Variants in CLTC observed in about 807,000 individuals in gnomAD.
CLTC encodes clathrin heavy chain, also known as clathrin heavy chain 1.
CLTC carries 16 observed loss-of-function variants against 195.8 expected under a neutral mutation model. The observed-to-expected ratio is 0.08, with a 90% CI of 0.06 to 0.12. CLTC has a LOEUF of 0.12. Ranked by LOEUF, CLTC falls within the 10% of genes least tolerant of loss-of-function variation. CLTC has a pLI of 1.00. For missense variants in CLTC, 796 were observed against 2,027.0 expected (o/e 0.39, Z 11.66); for synonymous variants, 667 against 689.4 (o/e 0.97, Z 0.51).
chr17:59,626,310 T>TA (rs1468338127), intron 1 of CLTC, among the ~76,000 whole-genome samples: 7 of 152,192 alleles, frequency 4.6e-5, no homozygotes, highest in Admixed American at 3.9e-4. Flanking sequence ...CAAATATTGA[T>TA]ATGATACAAA....
In CLTC at chr17:59,693,724, G is replaced by A. The variant is rs755404780; in HGVS notation, c.4904-4G>A. The A allele has an allele frequency of 1.2e-6, 2 of 1,611,002 alleles. No homozygotes were observed. Among genetic ancestry groups the A allele is most frequent in the Admixed American group, 3.4e-5 (2 of 59,564 alleles). On this transcript the variant is annotated splice_region_variant and splice_polypyrimidine_tract_variant and intron_variant, in intron 31 of 31. Transcript: ENST00000269122. ...CTGCTCCTTTTTGTTTTCTTCTACT[G>A]TAGGTCAGCCCCAGTTGATGCTGAC... is the stretch of plus-strand genomic sequence containing the variant.
intron 1 of CLTC, among the ~76,000 whole-genome samples, chr17:59,640,793 C>T (rs1266932261): frequency 6.6e-6 from 1 of 151,816 alleles, no homozygotes; most frequent in Non-Finnish European, 1.5e-5. Flanking sequence ...CTTAAGTGTG[C>T]TTTTTTAATA....
intron 5 of CLTC, among the ~76,000 whole-genome samples, chr17:59,652,973 CT>C (rs1168101512): frequency 1.3e-5 from 2 of 152,160 alleles, no homozygotes; most frequent in African/African-American, 4.8e-5. Flanking sequence ...GGTTTTTCAC[CT>C]TGCACTTTTA....
At chr17:59,652,373 A>C (rs2032348207) in intron 5 of CLTC, among the ~76,000 whole-genome samples, 1 of 152,158 alleles carries the variant, frequency 6.6e-6, no homozygotes, top group African/African-American at 2.4e-5. Flanking sequence ...TTCCAGATTC[A>C]CTTAAATTTA....
intron 1 of CLTC, among the ~76,000 whole-genome samples, chr17:59,634,600 C>G (rs771633995): frequency 1.6e-4 from 25 of 152,054 alleles, no homozygotes; most frequent in Non-Finnish European, 2.9e-4. Context: ...GAATATATTG[C>G]TTAAATTTGG....
At position 59,685,253 on chromosome 17, in the gene CLTC, G is replaced by A. The variant is rs754772301; in HGVS notation, c.4605+27G>A. The A allele has an allele frequency of 2.6e-6, 4 of 1,552,200 alleles. No homozygotes were observed. In the African/African-American group the frequency reaches 5.5e-5, roughly 21 times the overall value. ...TTGATAAAGTTGCGGGGCAGGGGCT[G>A]TTTTAAACCAGGCCTAAAATGGTGT... On this transcript the variant is annotated intron_variant, in intron 29 of 31. Coordinates refer to ENST00000269122, the MANE Select transcript of CLTC (RefSeq NM_004859.4). This position sits in a 1 kb window ranked among gnomAD's most constrained non-coding sequence, Gnocchi z 5.0.
chr17:59,619,974 A>G lies in CLTC; in HGVS notation c.-158A>G. The G allele has an allele frequency of 1.6e-6, 1 of 629,876 alleles. No homozygotes were observed. The highest frequency in any genetic ancestry group is 1.8e-5 in the African/African-American group (1 of 54,708). The allele number at this position is 629,876 out of a possible 1,614,324, so 39.0% of individuals were successfully genotyped here. A position where few individuals can be genotyped will look rare whatever the true frequency, so the allele number is the denominator to read the frequency against. On this transcript the variant is annotated 5_prime_UTR_variant, in exon 1 of 32. Coordinates refer to ENST00000269122, the MANE Select transcript of CLTC (RefSeq NM_004859.4). ...CCCTGGAGCCTCCGCCCCCGACCCGAGCTCTTTCGTCTGCCTGCCAGTTTC... is the reference window on the plus strand; with the variant it reads ...CCCTGGAGCCTCCGCCCCCGACCCGGGCTCTTTCGTCTGCCTGCCAGTTTC...
chr17:59,621,744 A>C (rs1317617993), intron 1 of CLTC, among the ~76,000 whole-genome samples: 2 of 152,228 alleles, frequency 1.3e-5, no homozygotes, highest in Admixed American at 6.5e-5. Context: ...AATGTTAAAT[A>C]ACAAAATGGA....
rs1315124947 is a variant in CLTC at position 59,694,439 on chromosome 17, C to T, written c.*587C>T. Reference sequence around the variant, plus strand: ...TGATTTTTAAATGAGCGTAAAAGGCCCTCTAACCTATGCAGGTTTCCCCAT... The same window carrying T: ...TGATTTTTAAATGAGCGTAAAAGGCTCTCTAACCTATGCAGGTTTCCCCAT... On this transcript the variant is annotated 3_prime_UTR_variant, in exon 32 of 32. Transcript: ENST00000269122. 1 of 224,638 alleles carries T rather than the reference C, an allele frequency of 4.5e-6. No homozygotes were observed. The highest frequency in any genetic ancestry group is 6.5e-5 in the East Asian group (1 of 15,402). The allele number at this position is 224,638 out of a possible 1,614,324, so 13.9% of individuals were successfully genotyped here.
intron 31 of CLTC, among the ~76,000 whole-genome samples, chr17:59,692,180 G>A (rs1381103033): frequency 6.6e-6 from 1 of 152,192 alleles, no homozygotes; most frequent in Non-Finnish European, 1.5e-5. Flanking sequence ...GGCTGGGCAT[G>A]GTGGCATGCA....
chr17:59,668,769 T>C lies in CLTC; in HGVS notation c.2129-8T>C. On this transcript the variant is annotated splice_region_variant and splice_polypyrimidine_tract_variant and intron_variant, in intron 13 of 31. Coordinates refer to ENST00000269122, the MANE Select transcript of CLTC (RefSeq NM_004859.4). ...CTATGCTTAATTGTAATTACTTGTT[T>C]CTTTAAGGTCTCTTTTATTTTCTGG... 6.3e-7 allele frequency: 1 copy of C among 1,583,734 alleles called. No individual in the cohort carries two copies. The highest frequency in any genetic ancestry group is 8.5e-7 in the Non-Finnish European group (1 of 1,170,680).
chr17:59,647,833 C>G (rs572254145), intron 3 of CLTC, among the ~76,000 whole-genome samples, 167 bp downstream of exon 3: 75 of 152,144 alleles, frequency 4.9e-4, no homozygotes, highest in African/African-American at 1.6e-3. Context: ...TCTCCTTCCT[C>G]CCTCCCTTCT....
At chr17:59,691,063 CTT>C (rs1377315552) in intron 31 of CLTC, among the ~76,000 whole-genome samples, 4 of 152,290 alleles carry the variant, frequency 2.6e-5, no homozygotes, top group Middle Eastern at 3.4e-3. Context: ...CCAAGGCTGT[CTT>C]TAGTATGCTT....
intron 14 of CLTC, among the ~76,000 whole-genome samples, chr17:59,672,235 A>G (rs2032863310): frequency 2.0e-5 from 3 of 152,210 alleles, no homozygotes; most frequent in Admixed American, 2.0e-4. Context: ...AATTTTAGCA[A>G]TCAAGAAAAT....
Position 59,693,889 on chromosome 17 carries a change from C to G in CLTC, c.*37C>G. The G allele has an allele frequency of 1.3e-6, 2 of 1,572,834 alleles. No homozygotes were observed. Among genetic ancestry groups the G allele is most frequent in the South Asian group, 2.3e-5 (2 of 86,314 alleles). On this transcript the variant is annotated 3_prime_UTR_variant, in exon 32 of 32. Coordinates refer to ENST00000269122, the MANE Select transcript of CLTC (RefSeq NM_004859.4). ...GATCCTGTAGTCACCTATTTTCGTA[C>G]TGAAACATCGTCTTTACCCACTTCT... is the stretch of plus-strand genomic sequence containing the variant.
chr17:59,688,466 CT>C (rs1188677453), intron 30 of CLTC, among the ~76,000 whole-genome samples: 1 of 152,122 alleles, frequency 6.6e-6, no homozygotes, highest in Non-Finnish European at 1.5e-5. Context: ...GGATCAGAAA[CT>C]TTAGTTACAG....
chr17:59,678,345 T>C (rs560064253), intron 17 of CLTC, among the ~76,000 whole-genome samples: 1 of 152,266 alleles, frequency 6.6e-6, no homozygotes, highest in South Asian at 2.1e-4. Context: ...AAATATCCTC[T>C]TACCCTCTCC....
In CLTC at chr17:59,663,961, T is replaced by A; in HGVS notation, c.1488T>A (p.Gly496=). 3 of 1,613,668 alleles carry A rather than the reference T, an allele frequency of 1.9e-6. No individual in the cohort carries two copies. The highest frequency in any genetic ancestry group is 8.5e-7 in the Non-Finnish European group (1 of 1,179,816). Residue 496 remains glycine (G), a synonymous_variant, in exon 9 of 32, where the codon GGT becomes GGA. Coordinates refer to ENST00000269122, the MANE Select transcript of CLTC (RefSeq NM_004859.4). ...NKVIQCFAET[G]QVQKIVLYAK... ...TCATTCAGTGCTTTGCAGAAACAGG[T>A]CAAGTCCAAAAGATTGTTTTATATG...
At chr17:59,664,650 C>A in intron 9 of CLTC, 137 bp from the exon 10 acceptor site, 1 of 795,132 alleles carries the variant, frequency 1.3e-6, no homozygotes. Flanking sequence ...CAAGGTCTAA[C>A]TGGGCACCTT....
Sources: gnomAD v4.1 joint callset for allele counts (sites outside exome capture counted in the v4.1 genomes callset) on GRCh38, gnomAD v4.1.1 for gene constraint, Gnocchi (gnomAD v3.1) non-coding constraint, MANE v1.5 for transcripts, NCBI Gene and HGNC (gene_info 2026-07-23, HGNC 2026-07-21) for gene names.